GPAT3: variants seen among roughly 807,000 people sequenced by gnomAD.
GPAT3 encodes glycerol-3-phosphate acyltransferase 3, also known as 1-AGP acyltransferase 9.
GPAT3 carries 53 observed loss-of-function variants against 58.8 expected under a neutral mutation model. That is an observed-to-expected ratio of 0.90 (90% confidence interval 0.72 to 1.13). GPAT3 has a LOEUF of 1.13. Ranked by LOEUF, GPAT3 falls within the 50% of genes most tolerant of loss-of-function variation. The pLI, the probability that GPAT3 is intolerant of heterozygous loss-of-function variation, is 0.00. For missense variants in GPAT3, 511 were observed against 527.6 expected, an observed-to-expected ratio of 0.97 and a Z score of 0.31; for synonymous variants, 197 against 187.4, an observed-to-expected ratio of 1.05 and a Z score of -0.42.
At chr4:83,563,814 A>G (rs1443581621) in intron 2 of GPAT3, among the ~76,000 whole-genome samples, 1 of 152,200 alleles carries the variant, frequency 6.6e-6, no homozygotes, top group Non-Finnish European at 1.5e-5. Context: ...TGCTAACACC[A>G]AACATGATGT....
At chr4:83,603,909 A>G (rs908647474) in intron 11 of GPAT3, among the ~76,000 whole-genome samples, 1 of 152,096 alleles carries the variant, frequency 6.6e-6, no homozygotes, top group South Asian at 2.1e-4. Context: ...ACCCACACAT[A>G]TACAGTACCC....
intron 2 of GPAT3, among the ~76,000 whole-genome samples, chr4:83,548,509 C>T (rs1188210378): frequency 1.3e-5 from 2 of 151,942 alleles, no homozygotes; most frequent in Non-Finnish European, 2.9e-5. Flanking sequence ...GACACTAGGA[C>T]ATTTTAAATG....
chr4:83,598,545 A>G (rs1726934212), intron 10 of GPAT3, 99 bp from the exon 11 acceptor site: 4 of 1,037,064 alleles, frequency 3.9e-6, no homozygotes, highest in Admixed American at 4.2e-5. Flanking sequence ...GAGCTGAAAT[A>G]TGAATCTTAT....
At position 83,598,653 on chromosome 4, in the gene GPAT3, G is replaced by C; in HGVS notation, c.1135G>C (p.Asp379His). The C allele has an allele frequency of 6.4e-7, 1 of 1,574,474 alleles. No homozygotes were observed. The highest frequency in any genetic ancestry group is 8.6e-7 in the Non-Finnish European group (1 of 1,161,006). ...TTTTTTTTTAAACCAGGAAGGAGAA[G>C]ATGCAGTCCAGTTTGCTAACAGGGT... The part of the protein sequence containing the change: ...MPPMTREEGE[D>H]AVQFANRVKS... Residue 379 changes from aspartate (D) to histidine (H), a missense_variant, in exon 11 of 12, where the codon GAT becomes CAT. Physicochemically the swap from Asp to His is moderately conservative, Grantham distance 81. Coordinates refer to ENST00000264409, the MANE Select transcript of GPAT3 (RefSeq NM_032717.5).
intron 2 of GPAT3, among the ~76,000 whole-genome samples, chr4:83,562,207 TATATTATATATATATATAATATATATATA>T (rs1242402968): frequency 1.3e-3 from 42 of 33,362 alleles, no homozygotes; most frequent in East Asian, 3.1e-3. Context: ...ATAATATATA[TATATTATATATATATATAATATATATATA>T]ATATATATAT....
intron 2 of GPAT3, among the ~76,000 whole-genome samples, chr4:83,555,012 C>G (rs1433191791): frequency 6.6e-6 from 1 of 152,016 alleles, no homozygotes; most frequent in Non-Finnish European, 1.5e-5. Context: ...CCATGTTGGC[C>G]AGGTTGTTCT....
intron 2 of GPAT3, among the ~76,000 whole-genome samples, chr4:83,554,577 G>A (rs542396282): frequency 6.6e-6 from 1 of 152,084 alleles, no homozygotes; most frequent in Non-Finnish European, 1.5e-5. Flanking sequence ...ATATGAGGGG[G>A]TCTTGTTAAT....
chr4:83,579,057 T>TC (rs1191171683), intron 2 of GPAT3, among the ~76,000 whole-genome samples: 3 of 45,354 alleles, frequency 6.6e-5, no homozygotes, highest in African/African-American at 9.1e-5. Context: ...TTTCTTTCTT[T>TC]CTTTCTTTCT....
chr4:83,598,009 C>A (rs1314911198), intron 9 of GPAT3, 42 bp from the exon 10 acceptor site: 9 of 1,607,996 alleles, frequency 5.6e-6, no homozygotes, highest in African/African-American at 5.4e-5. Flanking sequence ...GATGAGAAAC[C>A]ACCCTTATTT....
chr4:83,557,756 G>A (rs1227684485), intron 2 of GPAT3, among the ~76,000 whole-genome samples: 1 of 152,114 alleles, frequency 6.6e-6, no homozygotes, highest in Non-Finnish European at 1.5e-5. Flanking sequence ...TACCAGAGAG[G>A]GTCACTAACT....
rs111244481 is a variant in GPAT3 at position 83,583,710 on chromosome 4, G to A, written c.479+1878G>A. ...AAAAAAAAAAAAATGAAGCTGGGCCGGGCATAGTGACTCTTGCCTGTAATC... is the reference window on the plus strand; with the variant it reads ...AAAAAAAAAAAAATGAAGCTGGGCCAGGCATAGTGACTCTTGCCTGTAATC... On this transcript the variant is annotated intron_variant, in intron 3 of 11. Transcript: ENST00000264409. Among the ~76,000 whole-genome samples the A allele has an allele frequency of 2.0e-3, 281 of 142,104 alleles. 1 individual carries two copies. Among genetic ancestry groups the A allele is most frequent in the African/African-American group, 7.1e-3 (264 of 37,076 alleles). The allele number at this position is 142,104 out of a possible 152,430, so 93.2% of individuals were successfully genotyped here.
At chr4:83,585,438 G>A (rs1204123013) in intron 3 of GPAT3, among the ~76,000 whole-genome samples, 2 of 151,100 alleles carry the variant, frequency 1.3e-5, no homozygotes, top group Non-Finnish European at 2.9e-5. Flanking sequence ...TCAAAATACT[G>A]TATTTTTAAA....
At chr4:83,569,338 C>A (rs1482141141) in intron 2 of GPAT3, among the ~76,000 whole-genome samples, 1 of 152,174 alleles carries the variant, frequency 6.6e-6, no homozygotes, top group African/African-American at 2.4e-5. Flanking sequence ...AGACCTTGAA[C>A]TGAAACCTGG....
At chr4:83,587,148 C>A in intron 3 of GPAT3, 107 bp from the exon 4 acceptor site, 1 of 808,048 alleles carries the variant, frequency 1.2e-6, no homozygotes, top group South Asian at 1.7e-5. Flanking sequence ...CATATTTCAT[C>A]ATGTGGATAC....
intron 2 of GPAT3, among the ~76,000 whole-genome samples, chr4:83,548,803 C>G (rs1724637896): frequency 1.3e-5 from 2 of 152,068 alleles, no homozygotes; most frequent in African/African-American, 4.8e-5. Context: ...TATCTCATGC[C>G]CCCAAGTCTC....
At chr4:83,560,951 C>T (rs542272055) in intron 2 of GPAT3, among the ~76,000 whole-genome samples, 3 of 152,310 alleles carry the variant, frequency 2.0e-5, no homozygotes, top group South Asian at 4.1e-4. Context: ...GCTTCCTGTA[C>T]AACCTGCAGA....
chr4:83,558,136 T>C (rs1433063745), intron 2 of GPAT3, among the ~76,000 whole-genome samples: 1 of 151,808 alleles, frequency 6.6e-6, no homozygotes, highest in Non-Finnish European at 1.5e-5. Flanking sequence ...ATCACTTGAA[T>C]TGGGGAGGCG....
chr4:83,573,640 G>A (rs534925551), intron 2 of GPAT3, among the ~76,000 whole-genome samples: 2 of 152,170 alleles, frequency 1.3e-5, no homozygotes, highest in Non-Finnish European at 2.9e-5. Context: ...GGTCAGGAAG[G>A]AAGTTGGAGA....
chr4:83,595,010 C>T, intron 7 of GPAT3, 50 bp downstream of exon 7: 1 of 1,521,344 alleles, frequency 6.6e-7, no homozygotes, highest in Non-Finnish European at 9.1e-7. Flanking sequence ...AAAAGCTGAC[C>T]AATCTTGGCC....
Sources: allele counts gnomAD v4.1 joint callset (sites outside exome capture counted in the v4.1 genomes callset), GRCh38; gene constraint gnomAD v4.1.1; transcripts MANE v1.5; gene names NCBI Gene and HGNC (gene_info 2026-07-23, HGNC 2026-07-21).